Variants in SEMA5A observed in about 807,000 individuals in gnomAD.
The protein encoded by SEMA5A is semaphorin 5A.
A neutral mutation model predicts 135.5 loss-of-function variants in SEMA5A; 55 were observed. That is an observed-to-expected ratio of 0.41 (90% CI 0.33 to 0.51). The LOEUF is 0.51. Among genes scored for constraint, SEMA5A ranks in the 20% least tolerant of loss-of-function variants. SEMA5A has a pLI of 0.37. For synonymous variants in SEMA5A, 580 were observed against 546.5 expected (o/e 1.06, Z -0.85); for missense variants, 1,290 against 1,419.9 (o/e 0.91, Z 1.47).
intron 2 of SEMA5A, among the ~76,000 whole-genome samples, chr5:9,393,028 T>C (rs965503466): frequency 7.9e-5 from 12 of 152,328 alleles, no homozygotes; most frequent in East Asian, 1.9e-4. Flanking sequence ...TTAGCACATA[T>C]GCGATGCTAT....
chr5:9,378,309 T>C (rs780844530), intron 3 of SEMA5A, among the ~76,000 whole-genome samples: 3 of 152,158 alleles, frequency 2.0e-5, no homozygotes, highest in Admixed American at 2.0e-4. Context: ...GAAGGAAAGA[T>C]AGTTTATATA....
intron 1 of SEMA5A, among the ~76,000 whole-genome samples, chr5:9,482,488 C>T (rs1561288127): frequency 6.6e-6 from 1 of 152,124 alleles, no homozygotes; most frequent in South Asian, 2.1e-4. Context: ...GGAGGAAAAA[C>T]AGCCCCTCTC....
At chr5:9,227,444 C>T (rs1013026567) in intron 6 of SEMA5A, among the ~76,000 whole-genome samples, 1 of 152,034 alleles carries the variant, frequency 6.6e-6, no homozygotes, top group Admixed American at 6.5e-5. Flanking sequence ...GCTGCAAGCG[C>T]TTTTTGATCA....
chr5:9,090,003 T>G (rs1187184547), intron 16 of SEMA5A, among the ~76,000 whole-genome samples: 2 of 152,200 alleles, frequency 1.3e-5, no homozygotes, highest in African/African-American at 4.8e-5. Context: ...ACTATATAAA[T>G]ATAAGTGAAA....
intron 13 of SEMA5A, among the ~76,000 whole-genome samples, chr5:9,127,011 A>G (rs1741150461): frequency 6.6e-6 from 1 of 152,220 alleles, no homozygotes; most frequent in Non-Finnish European, 1.5e-5. Flanking sequence ...TTGTGAATAC[A>G]GTTTCAATCT....
intron 5 of SEMA5A, among the ~76,000 whole-genome samples, chr5:9,266,472 T>G (rs1433078271): frequency 6.6e-6 from 1 of 152,202 alleles, no homozygotes; most frequent in Admixed American, 6.5e-5. Context: ...TCTCTATCAA[T>G]CTAATGATAA....
chr5:9,375,309 C>A (rs1159676663), intron 3 of SEMA5A, among the ~76,000 whole-genome samples: 1 of 152,060 alleles, frequency 6.6e-6, no homozygotes, highest in Non-Finnish European at 1.5e-5. Flanking sequence ...TGAGGTCGTA[C>A]TGGATTAAGG....
intron 11 of SEMA5A, among the ~76,000 whole-genome samples, chr5:9,185,914 T>A (rs1486414238): frequency 1.3e-5 from 2 of 152,096 alleles, no homozygotes; most frequent in Non-Finnish European, 2.9e-5. Flanking sequence ...CAGGAGTGCA[T>A]GTGGGACTGC....
At chr5:9,272,523 C>T (rs1317667454) in intron 5 of SEMA5A, among the ~76,000 whole-genome samples, 1 of 152,192 alleles carries the variant, frequency 6.6e-6, no homozygotes, top group East Asian at 1.9e-4. Flanking sequence ...AAGGGACAGA[C>T]TGCCTCCTTA....
intron 16 of SEMA5A, among the ~76,000 whole-genome samples, chr5:9,086,420 A>G (rs1738693630): frequency 6.6e-6 from 1 of 152,044 alleles, no homozygotes; most frequent in South Asian, 2.1e-4. Flanking sequence ...TGTTCTCATG[A>G]TAGTGATAAG....
chr5:9,345,740 G>T (rs926758838), intron 3 of SEMA5A, among the ~76,000 whole-genome samples: 1 of 152,128 alleles, frequency 6.6e-6, no homozygotes, highest in Non-Finnish European at 1.5e-5. Flanking sequence ...TAGTGAAGTA[G>T]ATTAAGCTTT....
chr5:9,038,871 G>A lies in SEMA5A; in HGVS notation c.*4026C>T, dbSNP rs1247844545. On this transcript the variant is annotated 3_prime_UTR_variant, in exon 23 of 23. Coordinates refer to ENST00000382496, the MANE Select transcript of SEMA5A (RefSeq NM_003966.3). ...GCCTCCCAAGAAACTGGGACCACAG[G>A]CACGCACCACGATGGCTGGCTAATA... 1 of 152,052 alleles carries A rather than the reference G, an allele frequency of 6.6e-6. No individual in the cohort carries two copies. Among genetic ancestry groups the A allele is most frequent in the Non-Finnish European group, 1.5e-5 (1 of 68,116 alleles). 9.4% of individuals were successfully genotyped at this position (152,052 alleles called of 1,614,324 possible).
intron 1 of SEMA5A, among the ~76,000 whole-genome samples, chr5:9,457,567 G>A (rs536125463): frequency 7.2e-5 from 11 of 152,210 alleles, no homozygotes; most frequent in South Asian, 4.2e-4. Context: ...TCTACTCTAC[G>A]AGCCTGCATC....
chr5:9,532,337 C>A (rs746169834), intron 1 of SEMA5A, among the ~76,000 whole-genome samples: 1 of 150,602 alleles, frequency 6.6e-6, no homozygotes, highest in Non-Finnish European at 1.5e-5. Flanking sequence ...GTGATCTCGG[C>A]TCACTGCAAC....
chr5:9,074,835 G>A (rs570406966), intron 16 of SEMA5A, among the ~76,000 whole-genome samples: 3 of 152,196 alleles, frequency 2.0e-5, no homozygotes, highest in Non-Finnish European at 2.9e-5. Context: ...ACCCAAAATC[G>A]TGTCACAGTA....
At chr5:9,105,282 T>C (rs937629022) in intron 16 of SEMA5A, among the ~76,000 whole-genome samples, 1 of 152,326 alleles carries the variant, frequency 6.6e-6, no homozygotes, top group African/African-American at 2.4e-5. Context: ...TGACTTAGTC[T>C]AAGACAAGGA....
At chr5:9,049,874 G>C (rs983447542) in intron 21 of SEMA5A, among the ~76,000 whole-genome samples, 4 of 152,210 alleles carry the variant, frequency 2.6e-5, no homozygotes, top group African/African-American at 9.6e-5. Context: ...CAGGAGGTTT[G>C]AAAAATTCCT....
chr5:9,375,841 C>T (rs541100907), intron 3 of SEMA5A, among the ~76,000 whole-genome samples: 4 of 151,952 alleles, frequency 2.6e-5, no homozygotes, highest in African/African-American at 9.7e-5. Context: ...ATTCTTGGTT[C>T]TCAGAAAGGC....
chr5:9,219,352 G>C (rs1746804981), intron 8 of SEMA5A, among the ~76,000 whole-genome samples: 1 of 152,188 alleles, frequency 6.6e-6, no homozygotes, highest in African/African-American at 2.4e-5. Flanking sequence ...GGAGTTGGCT[G>C]AGATTTGCAG....
Sources: gnomAD v4.1 joint callset for allele counts (sites outside exome capture counted in the v4.1 genomes callset) on GRCh38, gnomAD v4.1.1 for gene constraint, MANE v1.5 for transcripts, NCBI Gene and HGNC (gene_info 2026-07-23, HGNC 2026-07-21) for gene names.